The following ARHGAP10 variants were observed in gnomAD, a reference collection of about 807,000 sequenced individuals.
The protein encoded by ARHGAP10 is rho GTPase-activating protein 10.
In ARHGAP10, 87 loss-of-function variants were observed where a neutral mutation model predicts 108.6. The ratio of observed to expected loss-of-function variants is 0.80; its 90% CI spans 0.67 to 0.96. ARHGAP10 has a LOEUF of 0.96. Among genes scored for constraint, ARHGAP10 ranks in the 40% least tolerant of loss-of-function variants. ARHGAP10 has a pLI of 0.00. For missense variants in ARHGAP10, 939 were observed against 954.5 expected, an observed-to-expected ratio of 0.98 and a Z score of 0.21; for synonymous variants, 347 against 341.1, an observed-to-expected ratio of 1.02 and a Z score of -0.19.
At chr4:147,944,534 C>G (rs1287753559) in intron 14 of ARHGAP10, among the ~76,000 whole-genome samples, 1 of 152,164 alleles carries the variant, frequency 6.6e-6, no homozygotes, top group Non-Finnish European at 1.5e-5. Context: ...CTTCATCATC[C>G]CAAGCCTAAA....
chr4:147,785,752 G>A (rs958030904), intron 1 of ARHGAP10, among the ~76,000 whole-genome samples: 1 of 152,018 alleles, frequency 6.6e-6, no homozygotes, highest in Non-Finnish European at 1.5e-5. Context: ...AATTAGTGTG[G>A]ATTTTCAGCA....
intron 13 of ARHGAP10, among the ~76,000 whole-genome samples, chr4:147,919,739 C>T (rs1394758373): frequency 6.6e-6 from 1 of 151,992 alleles, no homozygotes; most frequent in African/African-American, 2.4e-5. Context: ...CCACAATACC[C>T]AGCTAATTTT....
intron 1 of ARHGAP10, among the ~76,000 whole-genome samples, chr4:147,785,172 A>G (rs1206665524): frequency 6.6e-6 from 1 of 151,094 alleles, no homozygotes; most frequent in Non-Finnish European, 1.5e-5. Flanking sequence ...AGTACTTAAC[A>G]TTGAAACAGA....
intron 18 of ARHGAP10, among the ~76,000 whole-genome samples, chr4:148,003,793 C>T (rs1740831139): frequency 7.8e-6 from 1 of 128,314 alleles, no homozygotes; most frequent in Non-Finnish European, 1.6e-5. Context: ...TTATTTTGAG[C>T]CTGTGTGTGT....
chr4:147,869,312 T>C (rs2126851990), intron 7 of ARHGAP10, among the ~76,000 whole-genome samples: 1 of 152,270 alleles, frequency 6.6e-6, no homozygotes, highest in Middle Eastern at 3.4e-3. Context: ...CTTGCACGGC[T>C]CGTTTATTTG....
At chr4:147,793,320 ATTTTTT>A (rs34193686) in intron 1 of ARHGAP10, among the ~76,000 whole-genome samples, 2 of 145,280 alleles carry the variant, frequency 1.4e-5, no homozygotes, top group Non-Finnish European at 3.0e-5. Flanking sequence ...ATATATATAT[ATTTTTT>A]TTTTTTTACA....
At chr4:147,896,476 T>C (rs77908951) in intron 10 of ARHGAP10, among the ~76,000 whole-genome samples, 1 of 152,320 alleles carries the variant, frequency 6.6e-6, no homozygotes, top group African/African-American at 2.4e-5. Flanking sequence ...TTTATTGGCA[T>C]AAATGTCATA....
intron 1 of ARHGAP10, among the ~76,000 whole-genome samples, chr4:147,808,766 C>T (rs1359221079): frequency 6.6e-6 from 1 of 152,118 alleles, no homozygotes; most frequent in African/African-American, 2.4e-5. Context: ...AACTCTGGGC[C>T]CCCTCTGGTT....
intron 3 of ARHGAP10, among the ~76,000 whole-genome samples, chr4:147,824,448 A>G (rs1732624681): frequency 6.6e-6 from 1 of 152,190 alleles, no homozygotes; most frequent in Non-Finnish European, 1.5e-5. Flanking sequence ...ATATTAGCTA[A>G]GTTGGTTTAC....
chr4:147,945,375 G>A (rs2635266), intron 14 of ARHGAP10, among the ~76,000 whole-genome samples: 114,308 of 152,046 alleles, frequency 0.75, 46,994 homozygotes, highest in Non-Finnish European at 0.93. Context: ...TAAAGAAGCA[G>A]CCCTATTAAC....
intron 20 of ARHGAP10, among the ~76,000 whole-genome samples, chr4:148,058,485 C>G (rs754381280): frequency 3.9e-5 from 6 of 152,106 alleles, no homozygotes; most frequent in Non-Finnish European, 7.4e-5. Flanking sequence ...CTAGTGCTGC[C>G]CAAAGCCTGA....
rs1007588387 is a variant in ARHGAP10 at position 147,806,046 on chromosome 4, A to G, written c.155-16681A>G. 2.6e-5 allele frequency among the ~76,000 whole-genome samples: 4 copies of G among 152,156 alleles called. 1 individual carries two copies. Among genetic ancestry groups the G allele is most frequent in the African/African-American group, 9.6e-5 (4 of 41,460 alleles). ...TTATAATAAAATTTTTATTTATAAA[A>G]TCCATACTTTAAGCCTTTTGTTTAT... On this transcript the variant is annotated intron_variant, in intron 1 of 22. Transcript: ENST00000336498.
chr4:147,836,475 A>G (rs1302560247), intron 3 of ARHGAP10, among the ~76,000 whole-genome samples: 1 of 152,192 alleles, frequency 6.6e-6, no homozygotes, highest in African/African-American at 2.4e-5. Context: ...TATATACTTT[A>G]AAATCATAGT....
chr4:147,974,044 G>T (rs1739506411), intron 18 of ARHGAP10, among the ~76,000 whole-genome samples: 1 of 151,900 alleles, frequency 6.6e-6, no homozygotes, highest in African/African-American at 2.4e-5. Flanking sequence ...CTTTCTTTTG[G>T]GTATACACCT....
intron 1 of ARHGAP10, among the ~76,000 whole-genome samples, chr4:147,736,707 T>C (rs1338968563): frequency 2.6e-5 from 4 of 152,216 alleles, no homozygotes; most frequent in Non-Finnish European, 5.9e-5. Context: ...AACTCAGTGG[T>C]TCTCAATCGT....
intron 16 of ARHGAP10, among the ~76,000 whole-genome samples, chr4:147,963,518 G>A (rs558809365): frequency 6.6e-6 from 1 of 152,284 alleles, no homozygotes; most frequent in South Asian, 2.1e-4. Context: ...TGATTTATTT[G>A]ATAGTTTTCC....
intron 3 of ARHGAP10, among the ~76,000 whole-genome samples, chr4:147,843,335 T>G (rs1211430440): frequency 2.0e-5 from 3 of 152,184 alleles, no homozygotes; most frequent in Admixed American, 2.0e-4. Flanking sequence ...CTTTCAGCAG[T>G]CATCCTCTCT....
chr4:147,960,711 C>G (rs1738957076), intron 16 of ARHGAP10, among the ~76,000 whole-genome samples: 1 of 152,188 alleles, frequency 6.6e-6, no homozygotes, highest in Non-Finnish European at 1.5e-5. Flanking sequence ...AATCAAACAT[C>G]ATCAGAAGCC....
rs76017069 is a variant in ARHGAP10, at chr4:148,021,143, G to A, written c.1717-2120G>A. On this transcript the variant is annotated intron_variant, in intron 18 of 22. Transcript: ENST00000336498. ...CCTTAAGTCTTCTGGAGACCAACCC[G>A]GGTTGGACCCAGCCCTGAGATTTGG... 8.6e-3 allele frequency among the ~76,000 whole-genome samples: 1,310 copies of A among 152,206 alleles called. 12 individuals carry two copies. The highest frequency in any genetic ancestry group is 0.013 in the Non-Finnish European group (898 of 68,022).
Sources: gnomAD v4.1 joint callset for allele counts (sites outside exome capture counted in the v4.1 genomes callset) on GRCh38, gnomAD v4.1.1 for gene constraint, MANE v1.5 for transcripts, NCBI Gene and HGNC (gene_info 2026-07-23, HGNC 2026-07-21) for gene names.